The following TRAPPC9 variants were observed in gnomAD, a reference collection of about 807,000 sequenced individuals.
TRAPPC9 encodes the protein trafficking protein particle complex subunit 9.
Under a neutral mutation model 124.0 loss-of-function variants are expected in TRAPPC9, and 83 were observed. The ratio of observed to expected loss-of-function variants is 0.67; its 90% confidence interval spans 0.56 to 0.80. The LOEUF (loss-of-function observed/expected upper bound fraction) is 0.80, where lower values mean the gene tolerates loss of function less well. Ranked by LOEUF, TRAPPC9 falls within the 30% of genes least tolerant of loss-of-function variation. TRAPPC9 has a pLI of 0.00. For synonymous variants in TRAPPC9, 638 were observed against 617.5 expected, an observed-to-expected ratio of 1.03 and a Z score of -0.49; for missense variants, 1,302 against 1,508.3, an observed-to-expected ratio of 0.86 and a Z score of 2.27.
chr8:139,787,965 G>A (rs1822389896), intron 21 of TRAPPC9, among the ~76,000 whole-genome samples: 1 of 152,154 alleles, frequency 6.6e-6, no homozygotes, highest in Non-Finnish European at 1.5e-5. Flanking sequence ...ACGGGGTTGT[G>A]GGAAGTGAGA....
intron 9 of TRAPPC9, among the ~76,000 whole-genome samples, chr8:140,356,811 T>C (rs1171149927): frequency 1.3e-5 from 2 of 149,308 alleles, no homozygotes; most frequent in African/African-American, 2.6e-5. Context: ...GGTTTCACTA[T>C]GTTGTCCAGG....
At chr8:140,227,658 G>A (rs2063484786) in intron 16 of TRAPPC9, among the ~76,000 whole-genome samples, 1 of 152,360 alleles carries the variant, frequency 6.6e-6, no homozygotes, top group Non-Finnish European at 1.5e-5. Context: ...GCTGAAAGCA[G>A]AATTTGTGCA....
chr8:139,973,542 G>A (rs1836238196), intron 19 of TRAPPC9, among the ~76,000 whole-genome samples: 1 of 152,228 alleles, frequency 6.6e-6, no homozygotes, highest in African/African-American at 2.4e-5. Flanking sequence ...AAGTTGAAAT[G>A]TTCCACTGCT....
chr8:139,779,235 C>T (rs765202896), intron 21 of TRAPPC9, among the ~76,000 whole-genome samples: 8 of 152,042 alleles, frequency 5.3e-5, no homozygotes, highest in African/African-American at 9.7e-5. Context: ...GAACTGTTAA[C>T]CTAGAATTCT....
At chr8:140,374,634 T>A (rs1177304498) in intron 7 of TRAPPC9, among the ~76,000 whole-genome samples, 1 of 151,644 alleles carries the variant, frequency 6.6e-6, no homozygotes, top group Non-Finnish European at 1.5e-5. Flanking sequence ...AACGCCTTCA[T>A]CACAAATCTG....
intron 9 of TRAPPC9, among the ~76,000 whole-genome samples, chr8:140,341,403 A>T (rs959989221): frequency 6.6e-6 from 1 of 152,156 alleles, no homozygotes; most frequent in Non-Finnish European, 1.5e-5. Flanking sequence ...GTTCCCATTC[A>T]TGCCATCAAT....
At position 140,252,819 on chromosome 8, in the gene TRAPPC9, C is replaced by T; in HGVS notation, c.2389G>A (p.Asp797Asn). The T allele has an allele frequency of 6.2e-7, 1 of 1,614,106 alleles. No homozygotes were observed. Among genetic ancestry groups the T allele is most frequent in the Middle Eastern group, 1.6e-4 (1 of 6,062 alleles). Reference sequence around the variant, plus strand: ...AGGAGATTCTCCTGGCAGGAGAAATCCAGCTTCACTTTGATGTTGATTGTG... The same window carrying T: ...AGGAGATTCTCCTGGCAGGAGAAATTCAGCTTCACTTTGATGTTGATTGTG... ...TFTINIKVKL[D>N]FSCQENLLQD... The change falls in exon 16 of 23, where the codon GAT becomes AAT. Residue 797 changes from aspartate to asparagine, a missense_variant. Asp to Asn is a conservative substitution (Grantham distance 23). This residue lies in a region of TRAPPC9 where 640 missense variants were observed against 679.3 expected (regional missense o/e 0.94). Coordinates refer to ENST00000438773, the MANE Select transcript of TRAPPC9 (RefSeq NM_001160372.4). The surrounding 1 kb of genome is among the most constrained non-coding windows in gnomAD (Gnocchi z 4.2).
rs909950783 is a variant in TRAPPC9 at position 139,776,367 on chromosome 8, C to T, written c.3056-44165G>A. 1.4e-4 allele frequency among the ~76,000 whole-genome samples: 21 copies of T among 152,198 alleles called. No individual in the cohort carries two copies. Among genetic ancestry groups the T allele is most frequent in the African/African-American group, 4.6e-4 (19 of 41,450 alleles). On this transcript the variant is annotated intron_variant, in intron 21 of 22. Transcript: ENST00000438773. This position sits in a 1 kb window ranked among gnomAD's most constrained non-coding sequence, Gnocchi z 4.1. The stretch of plus-strand genomic sequence containing the variant: ...TCACTCGTCACAACATAGTATTGAT[C>T]GGTTTGTCCTCCGTGACCCAAAGAG...
At chr8:140,184,746 A>G (rs1413340717) in intron 17 of TRAPPC9, among the ~76,000 whole-genome samples, 1 of 152,180 alleles carries the variant, frequency 6.6e-6, no homozygotes, top group Non-Finnish European at 1.5e-5. Flanking sequence ...TACCATTTTT[A>G]TAATGAAGTA....
chr8:139,984,727 G>T lies in TRAPPC9; in HGVS notation c.2810+3999C>A, dbSNP rs1018116317. 6.6e-6 allele frequency among the ~76,000 whole-genome samples: 1 copy of T among 152,170 alleles called. No individual in the cohort carries two copies. Among genetic ancestry groups the T allele is most frequent in the Admixed American group, 6.6e-5 (1 of 15,266 alleles). Reference sequence around the variant, plus strand: ...AGGAGGCCGGTGAGGCACTGAGAGAGGTTTGGGAAAGGGAGGGGAGGGGAA... The same window carrying T: ...AGGAGGCCGGTGAGGCACTGAGAGATGTTTGGGAAAGGGAGGGGAGGGGAA... On this transcript the variant is annotated intron_variant, in intron 19 of 22. Transcript: ENST00000438773. The surrounding 1 kb of genome is among the most constrained non-coding windows in gnomAD (Gnocchi z 4.3).
chr8:140,023,827 T>C, intron 18 of TRAPPC9, 110 bp downstream of exon 18: 2 of 1,542,452 alleles, frequency 1.3e-6, no homozygotes, highest in South Asian at 1.1e-5. Flanking sequence ...CTTGGCCCCA[T>C]GGCACGGATC....
intron 18 of TRAPPC9, among the ~76,000 whole-genome samples, chr8:140,013,629 G>T (rs761946387): frequency 7.9e-5 from 12 of 152,196 alleles, no homozygotes; most frequent in Non-Finnish European, 1.8e-4. Context: ...GATGTCCTTC[G>T]GGAGTGCTGG....
At chr8:139,958,312 T>G (rs1835134154) in intron 19 of TRAPPC9, among the ~76,000 whole-genome samples, 1 of 152,206 alleles carries the variant, frequency 6.6e-6, no homozygotes, top group African/African-American at 2.4e-5. Flanking sequence ...GCTCTGGTTT[T>G]TTAAACCTCA....
At chr8:139,934,867 T>C (rs1360187856) in intron 19 of TRAPPC9, among the ~76,000 whole-genome samples, 2 of 152,176 alleles carry the variant, frequency 1.3e-5, no homozygotes, top group African/African-American at 2.4e-5. Flanking sequence ...AGACTTGAGA[T>C]AGGAGCCCCA....
rs1335531226 is a variant in TRAPPC9, at chr8:139,779,271, C to G, written c.3056-47069G>C. ...GAACCCAGCAAAAAACCAACTCTTT[C>G]AAAAACTAAGGTGAAACAAAGAATT... On this transcript the variant is annotated intron_variant, in intron 21 of 22. Coordinates refer to ENST00000438773, the MANE Select transcript of TRAPPC9 (RefSeq NM_001160372.4). Among the ~76,000 whole-genome samples, 7 of 152,240 alleles carry G rather than the reference C, an allele frequency of 4.6e-5. No homozygotes were observed. In the East Asian group the frequency reaches 1.2e-3, roughly 25 times the overall value.
Position 140,196,752 on chromosome 8 carries a change from A to C in TRAPPC9, c.2556+24707T>G, listed in dbSNP as rs555434575. Reference sequence around the variant, plus strand: ...ACACAGCTTGCACCTGTGACACTAAAACACACTCAATGATCCGCTATACAG... The same window carrying C: ...ACACAGCTTGCACCTGTGACACTAACACACACTCAATGATCCGCTATACAG... On this transcript the variant is annotated intron_variant, in intron 17 of 22. Coordinates refer to ENST00000438773, the MANE Select transcript of TRAPPC9 (RefSeq NM_001160372.4). Among the ~76,000 whole-genome samples, 470 of 151,104 alleles carry C rather than the reference A, an allele frequency of 3.1e-3. 6 individuals are homozygous for C. Among genetic ancestry groups the C allele is most frequent in the African/African-American group, 0.011 (436 of 40,538 alleles).
At chr8:139,780,935 C>T (rs779411765) in intron 21 of TRAPPC9, among the ~76,000 whole-genome samples, 67 of 152,262 alleles carry the variant, frequency 4.4e-4, no homozygotes, top group Middle Eastern at 3.4e-3. Context: ...AAACATCATA[C>T]GTCAATAAGA....
intron 17 of TRAPPC9, among the ~76,000 whole-genome samples, chr8:140,069,686 A>T (rs1244820115): frequency 1.3e-5 from 2 of 152,292 alleles, no homozygotes; most frequent in Non-Finnish European, 2.9e-5. Flanking sequence ...CCAATCAGAC[A>T]CAGTGTGTGT....
chr8:140,092,086 A>C (rs1409614720), intron 17 of TRAPPC9, among the ~76,000 whole-genome samples: 4 of 151,966 alleles, frequency 2.6e-5, no homozygotes, highest in African/African-American at 7.3e-5. Flanking sequence ...CAAAAAAAAA[A>C]AAAAAACAAA....
Sources: gnomAD v4.1 joint callset for allele counts (sites outside exome capture counted in the v4.1 genomes callset) on GRCh38, gnomAD v4.1.1 for gene constraint, gnomAD v4.1.1 regional missense constraint, Gnocchi (gnomAD v3.1) non-coding constraint, MANE v1.5 for transcripts, NCBI Gene and HGNC (gene_info 2026-07-23, HGNC 2026-07-21) for gene names.